SLCO3A1: variants seen among roughly 807,000 people sequenced by gnomAD.
SLCO3A1 encodes solute carrier organic anion transporter family member 3A1.
SLCO3A1 carries 27 observed loss-of-function variants against 63.1 expected under a neutral mutation model. That is an observed-to-expected ratio of 0.43 (90% confidence interval 0.32 to 0.59). The LOEUF is 0.59. SLCO3A1 is among the 20% of genes least tolerant of loss of function. The probability of loss-of-function intolerance (pLI) is 0.09; values close to 1 mark genes in which losing one functional copy is unlikely to be tolerated. For synonymous variants in SLCO3A1, 473 were observed against 409.9 expected, an observed-to-expected ratio of 1.15 and a Z score of -1.86; for missense variants, 773 against 945.8, an observed-to-expected ratio of 0.82 and a Z score of 2.40.
Position 92,163,616 on chromosome 15 carries a change from G to A in SLCO3A1, c.*481G>A, listed in dbSNP as rs535379096. 3.7e-4 allele frequency: 365 copies of A among 984,780 alleles called. 1 individual carries two copies. The African/African-American group carries it at 6.1e-3, about 16-fold the overall frequency. The allele number at this position is 984,780 out of a possible 1,614,324, so 61.0% of individuals were successfully genotyped here. The stretch of plus-strand genomic sequence containing the variant: ...AGATTAAGCACTAGTGACACACCCC[G>A]TGCCACCCTCTTCCTCCAGGTGGGG... On this transcript the variant is annotated 3_prime_UTR_variant, in exon 10 of 10. Coordinates refer to ENST00000318445, the MANE Select transcript of SLCO3A1 (RefSeq NM_013272.4).
intron 2 of SLCO3A1, among the ~76,000 whole-genome samples, chr15:91,974,575 C>A (rs1901022850): frequency 6.6e-6 from 1 of 151,022 alleles, no homozygotes; most frequent in Non-Finnish European, 1.5e-5. Flanking sequence ...GCGGGCAGAG[C>A]CAGGCAGGGT....
chr15:92,130,434 G>A (rs975115183), intron 7 of SLCO3A1, among the ~76,000 whole-genome samples: 2 of 152,352 alleles, frequency 1.3e-5, no homozygotes, highest in Non-Finnish European at 2.9e-5. Context: ...GCAATGCAGA[G>A]ACAGAGAAAC....
chr15:92,062,272 G>C (rs1187818224), intron 2 of SLCO3A1, among the ~76,000 whole-genome samples: 2 of 152,204 alleles, frequency 1.3e-5, no homozygotes, highest in Non-Finnish European at 2.9e-5. Flanking sequence ...TTATGGAGGA[G>C]GTGACATTTG....
intron 2 of SLCO3A1, among the ~76,000 whole-genome samples, chr15:92,025,166 CTTTT>C (rs11413999): frequency 1.5e-5 from 2 of 129,054 alleles, no homozygotes. Flanking sequence ...TTAGGTTGTC[CTTTT>C]TTTTTTTTTT....
At chr15:92,091,584 T>C (rs1454411996) in intron 2 of SLCO3A1, among the ~76,000 whole-genome samples, 1 of 152,186 alleles carries the variant, frequency 6.6e-6, no homozygotes, top group African/African-American at 2.4e-5. Context: ...GTTTCAGTTG[T>C]TAAGATATTT....
In SLCO3A1 at chr15:91,883,298, G is replaced by A. The variant is rs1410593806; in HGVS notation, c.180+29210G>A. On this transcript the variant is annotated intron_variant, in intron 1 of 9. Coordinates refer to ENST00000318445, the MANE Select transcript of SLCO3A1 (RefSeq NM_013272.4). This position sits in a 1 kb window ranked among gnomAD's most constrained non-coding sequence, Gnocchi z 4.8. ...AGAGTGAAGAGAGAAACTTGGCACC[G>A]GGACCCTAGAATCCCCTCTTTCTGG... 2.6e-5 allele frequency among the ~76,000 whole-genome samples: 4 copies of A among 152,132 alleles called. No individual in the cohort carries two copies. The highest frequency in any genetic ancestry group is 4.4e-5 in the Non-Finnish European group (3 of 68,022).
chr15:92,146,523 G>T (rs1230130809), intron 7 of SLCO3A1, among the ~76,000 whole-genome samples: 1 of 152,128 alleles, frequency 6.6e-6, no homozygotes, highest in Non-Finnish European at 1.5e-5. Flanking sequence ...TGTTCCAAGT[G>T]CCGTGTTGGG....
chr15:91,948,684 G>T lies in SLCO3A1; in HGVS notation c.646+32226G>T, dbSNP rs80001727. 9.5e-3 allele frequency among the ~76,000 whole-genome samples: 1,452 copies of T among 152,316 alleles called. 20 individuals are homozygous for T. The highest frequency in any genetic ancestry group is 0.034 in the African/African-American group (1,394 of 41,574). ...TGAGGGCTGGGTTTTCCTGCCCTGA[G>T]AAGAGAGGGCCGTCCAAGGAATAGG... On this transcript the variant is annotated intron_variant, in intron 2 of 9. Coordinates refer to ENST00000318445, the MANE Select transcript of SLCO3A1 (RefSeq NM_013272.4). This position sits in a 1 kb window ranked among gnomAD's most constrained non-coding sequence, Gnocchi z 4.8.
chr15:91,882,841 C>T lies in SLCO3A1; in HGVS notation c.180+28753C>T, dbSNP rs1022452177. 3.3e-5 allele frequency among the ~76,000 whole-genome samples: 5 copies of T among 152,164 alleles called. No individual in the cohort carries two copies. Among genetic ancestry groups the T allele is most frequent in the African/African-American group, 4.8e-5 (2 of 41,442 alleles). On this transcript the variant is annotated intron_variant, in intron 1 of 9. Coordinates refer to ENST00000318445, the MANE Select transcript of SLCO3A1 (RefSeq NM_013272.4). The surrounding 1 kb of genome is among the most constrained non-coding windows in gnomAD (Gnocchi z 4.4). ...CCAGCCATGACTTCTTAATCCCACTCGGATTTCACTGAATATGTGCGATAA... is the reference window on the plus strand; with the variant it reads ...CCAGCCATGACTTCTTAATCCCACTTGGATTTCACTGAATATGTGCGATAA...
chr15:91,868,097 G>C (rs375551350), intron 1 of SLCO3A1, among the ~76,000 whole-genome samples: 6 of 151,962 alleles, frequency 3.9e-5, no homozygotes, highest in African/African-American at 1.5e-4. Flanking sequence ...TGTCGCCCAG[G>C]CTGGAGTGCA....
At chr15:92,157,553 T>C (rs2048387463) in intron 9 of SLCO3A1, among the ~76,000 whole-genome samples, 1 of 151,550 alleles carries the variant, frequency 6.6e-6, no homozygotes, top group Non-Finnish European at 1.5e-5. Context: ...TGCAATAGTG[T>C]GATCTTGGCT....
At chr15:92,153,341 G>T (rs898037651) in intron 9 of SLCO3A1, among the ~76,000 whole-genome samples, 3 of 152,038 alleles carry the variant, frequency 2.0e-5, no homozygotes, top group Non-Finnish European at 4.4e-5. Flanking sequence ...AAAAAAGTTG[G>T]TTGTGACCCA....
rs923454483 is a variant in SLCO3A1 at position 91,865,918 on chromosome 15, C to T, written c.180+11830C>T. ...AAACAGTCTGTGTGTACAAAGAAAA[C>T]AAAGGCAAACTCTGTCTTCTTAAGT... On this transcript the variant is annotated intron_variant, in intron 1 of 9. Transcript: ENST00000318445. This position sits in a 1 kb window ranked among gnomAD's most constrained non-coding sequence, Gnocchi z 4.6. 1.3e-5 allele frequency among the ~76,000 whole-genome samples: 2 copies of T among 152,144 alleles called. No individual in the cohort carries two copies. The highest frequency in any genetic ancestry group is 2.9e-5 in the Non-Finnish European group (2 of 68,016).
In SLCO3A1 at chr15:91,854,862, G is replaced by A. The variant is rs1896874073; in HGVS notation, c.180+774G>A. On this transcript the variant is annotated intron_variant, in intron 1 of 9. Coordinates refer to ENST00000318445, the MANE Select transcript of SLCO3A1 (RefSeq NM_013272.4). This position sits in a 1 kb window ranked among gnomAD's most constrained non-coding sequence, Gnocchi z 6.4. ...TTGCCTCCAGAAAGGGGATGTTAAT[G>A]CTCAGAGGGCCCATGGGTGCGTAAC... 6.6e-6 allele frequency among the ~76,000 whole-genome samples: 1 copy of A among 152,146 alleles called. No homozygotes were observed.
At chr15:91,879,940 G>A (rs1027717176) in intron 1 of SLCO3A1, among the ~76,000 whole-genome samples, 1 of 152,136 alleles carries the variant, frequency 6.6e-6, no homozygotes, top group African/African-American at 2.4e-5. Context: ...ATGGCACAGT[G>A]AGTCCCAGGA....
chr15:91,881,783 T>C (rs772735687), intron 1 of SLCO3A1, among the ~76,000 whole-genome samples: 6 of 152,094 alleles, frequency 3.9e-5, no homozygotes, highest in Non-Finnish European at 8.8e-5. Context: ...CACGAACACA[T>C]ACTCCCCTGG....
chr15:92,044,056 C>G (rs2046830705), intron 2 of SLCO3A1, among the ~76,000 whole-genome samples: 1 of 152,222 alleles, frequency 6.6e-6, no homozygotes, highest in Non-Finnish European at 1.5e-5. Context: ...CTCTCCTACT[C>G]TTGCCGTAAC....
At chr15:92,146,298 A>G (rs1035976959) in intron 7 of SLCO3A1, among the ~76,000 whole-genome samples, 3 of 152,240 alleles carry the variant, frequency 2.0e-5, no homozygotes, top group African/African-American at 4.8e-5. Context: ...CCCGAAGATC[A>G]AATGAAATGC....
intron 2 of SLCO3A1, among the ~76,000 whole-genome samples, chr15:91,959,070 C>T (rs1900340581): frequency 6.6e-6 from 1 of 152,112 alleles, no homozygotes; most frequent in South Asian, 2.1e-4. Context: ...ATATATACAC[C>T]ACGGAATACT....
Sources: gnomAD v4.1 joint callset for allele counts (sites outside exome capture counted in the v4.1 genomes callset) on GRCh38, gnomAD v4.1.1 for gene constraint, Gnocchi (gnomAD v3.1) non-coding constraint, MANE v1.5 for transcripts, NCBI Gene and HGNC (gene_info 2026-07-23, HGNC 2026-07-21) for gene names.